The following FTCDNL1 variants were observed in gnomAD, a reference collection of about 807,000 sequenced individuals.
FTCDNL1 encodes the protein formiminotransferase N-terminal subdomain-containing protein.
A neutral mutation model predicts 5.9 loss-of-function variants in FTCDNL1; 11 were observed. The ratio of observed to expected loss-of-function variants is 1.87; its 90% CI spans 1.18 to 3.10. The LOEUF (loss-of-function observed/expected upper bound fraction) is 3.10. Among genes scored for constraint, FTCDNL1 ranks in the 30% most tolerant of loss-of-function variants. The pLI is 0.00. For missense variants in FTCDNL1, 115 were observed against 65.5 expected, an observed-to-expected ratio of 1.76 and a Z score of -2.61; for synonymous variants, 58 against 24.8, an observed-to-expected ratio of 2.34 and a Z score of -3.99.
chr2:199,771,612 T>C (rs1258258299), intron 3 of FTCDNL1, among the ~76,000 whole-genome samples: 2 of 152,166 alleles, frequency 1.3e-5, no homozygotes, highest in East Asian at 1.9e-4. Context: ...AAATGGTAAA[T>C]AGGAAAAGTA....
Position 199,845,511 on chromosome 2 carries a change from C to T in FTCDNL1, c.211+564G>A, listed in dbSNP as rs1431653218. 3.3e-5 allele frequency among the ~76,000 whole-genome samples: 5 copies of T among 151,880 alleles called. No homozygotes were observed. In the East Asian group the frequency reaches 9.7e-4, roughly 29 times the overall value. The stretch of plus-strand genomic sequence containing the variant: ...GCTTGAACCCCGGAGGCAGAGGTTG[C>T]AGTGAGTCGAGATCGGGCCACTGCA... On this transcript the variant is annotated intron_variant, in intron 3 of 4. Coordinates refer to ENST00000420128, the MANE Select transcript of FTCDNL1 (RefSeq NM_001363886.2).
the FTCDNL1 span, among the ~76,000 whole-genome samples, chr2:199,696,640 A>G: frequency 6.6e-6 from 1 of 152,160 alleles, no homozygotes; most frequent in Non-Finnish European, 1.5e-5. Flanking sequence ...AAAAGCAAAA[A>G]AAAAAAATCC....
intron 2 of FTCDNL1, among the ~76,000 whole-genome samples, chr2:199,846,748 G>A (rs972738122): frequency 6.6e-6 from 1 of 152,188 alleles, no homozygotes; most frequent in South Asian, 2.1e-4. Flanking sequence ...TTGGTGGTTT[G>A]TGACTCTCTT....
the FTCDNL1 span, among the ~76,000 whole-genome samples, chr2:199,687,425 A>C: frequency 2.0e-5 from 3 of 152,208 alleles, no homozygotes; most frequent in African/African-American, 7.2e-5. Context: ...ACCATGGAAC[A>C]TATTGAGTGC....
At chr2:199,694,478 T>C in the FTCDNL1 span, among the ~76,000 whole-genome samples, 7 of 152,108 alleles carry the variant, frequency 4.6e-5, no homozygotes, top group Non-Finnish European at 1.0e-4. Flanking sequence ...TAATCTTAGG[T>C]AGTACATTAA....
the FTCDNL1 span, among the ~76,000 whole-genome samples, chr2:199,696,888 A>G: frequency 1.3e-5 from 2 of 152,240 alleles, no homozygotes; most frequent in Admixed American, 6.5e-5. Context: ...TTGAAACCCA[A>G]TCCAAGAAAC....
chr2:199,765,119 C>T (rs1234996299), intron 3 of FTCDNL1, among the ~76,000 whole-genome samples: 1 of 152,086 alleles, frequency 6.6e-6, no homozygotes, highest in African/African-American at 2.4e-5. Flanking sequence ...ATAGGCAGTG[C>T]ACAGATGATT....
the FTCDNL1 span, among the ~76,000 whole-genome samples, chr2:199,739,858 T>C: frequency 6.6e-6 from 1 of 152,174 alleles, no homozygotes; most frequent in Non-Finnish European, 1.5e-5. Context: ...TACCAGTCCA[T>C]AAGATTTGCA....
At chr2:199,745,597 T>C in the FTCDNL1 span, among the ~76,000 whole-genome samples, 1 of 152,166 alleles carries the variant, frequency 6.6e-6, no homozygotes, top group Non-Finnish European at 1.5e-5. Flanking sequence ...AAATCTGGAG[T>C]ACAGATTAAC....
rs548856944 is a variant in FTCDNL1 at position 199,782,019 on chromosome 2, G to A, written c.212-21184C>T. On this transcript the variant is annotated intron_variant, in intron 3 of 3. Coordinates refer to the FTCDNL1 transcript ENST00000416668. ...AGGATGGTCTCGATCTCCTGACCTC[G>A]TGATCTTGCCGCCTCAGCCTCCCAA... is the stretch of plus-strand genomic sequence containing the variant. Among the ~76,000 whole-genome samples the A allele has an allele frequency of 9.2e-5, 14 of 152,120 alleles. No homozygotes were observed. The South Asian group carries it at 2.5e-3, about 27-fold the overall frequency.
chr2:199,839,275 AG>A (rs534868197), intron 3 of FTCDNL1, among the ~76,000 whole-genome samples: 1 of 152,248 alleles, frequency 6.6e-6, no homozygotes, highest in Non-Finnish European at 1.5e-5. Flanking sequence ...AAATAAAACC[AG>A]GATGTTCTCT....
At chr2:199,796,961 T>C (rs1338660367) in intron 3 of FTCDNL1, among the ~76,000 whole-genome samples, 2 of 152,072 alleles carry the variant, frequency 1.3e-5, no homozygotes, top group Non-Finnish European at 2.9e-5. Flanking sequence ...GTCAAAAATC[T>C]CTCCTTTGCA....
At chr2:199,797,732 T>C (rs1312520293) in intron 3 of FTCDNL1, among the ~76,000 whole-genome samples, 1 of 152,214 alleles carries the variant, frequency 6.6e-6, no homozygotes, top group Non-Finnish European at 1.5e-5. Context: ...TCCCTCAGCC[T>C]GGAATTGTTT....
chr2:199,824,498 TC>T (rs1328555255), intron 3 of FTCDNL1, among the ~76,000 whole-genome samples: 8 of 152,226 alleles, frequency 5.3e-5, no homozygotes, highest in African/African-American at 1.7e-4. Context: ...TCCTTTGCAT[TC>T]ACAACTTGGC....
At chr2:199,784,324 A>G (rs931122965) in intron 3 of FTCDNL1, among the ~76,000 whole-genome samples, 2 of 152,182 alleles carry the variant, frequency 1.3e-5, no homozygotes, top group Non-Finnish European at 2.9e-5. Flanking sequence ...ACCTATGTGT[A>G]ATTCCTCCTC....
At chr2:199,703,336 T>C in the FTCDNL1 span, among the ~76,000 whole-genome samples, 2 of 151,974 alleles carry the variant, frequency 1.3e-5, no homozygotes, top group Admixed American at 6.6e-5. Flanking sequence ...GTTGAGCACC[T>C]GAAAAATGGC....
At position 199,810,177 on chromosome 2, in the gene FTCDNL1, T is replaced by A. The variant is rs1299948736; in HGVS notation, c.*2528A>T. Among the ~76,000 whole-genome samples, 1 of 152,102 alleles carries A rather than the reference T, an allele frequency of 6.6e-6. No homozygotes were observed. Among genetic ancestry groups the A allele is most frequent in the Non-Finnish European group, 1.5e-5 (1 of 68,026 alleles). ...AAGGCCATCTCCATGGGGGCTTGAATTCAATGACAGGCCTAAGAGTCTCAG... is the reference window on the plus strand; with the variant it reads ...AAGGCCATCTCCATGGGGGCTTGAAATCAATGACAGGCCTAAGAGTCTCAG... On this transcript the variant is annotated 3_prime_UTR_variant, in exon 5 of 5. Transcript: ENST00000420128.
chr2:199,822,220 T>C (rs754783062), intron 3 of FTCDNL1, among the ~76,000 whole-genome samples: 12 of 152,044 alleles, frequency 7.9e-5, no homozygotes, highest in Non-Finnish European at 1.6e-4. Flanking sequence ...CTGGGCAACA[T>C]AGTGAGACAC....
intron 3 of FTCDNL1, among the ~76,000 whole-genome samples, chr2:199,788,535 T>C (rs1699769631): frequency 6.6e-6 from 1 of 152,198 alleles, no homozygotes; most frequent in Non-Finnish European, 1.5e-5. Context: ...ATAAATCCTA[T>C]ATGATACAGC....
Sources: allele counts gnomAD v4.1 joint callset (sites outside exome capture counted in the v4.1 genomes callset), GRCh38; gene constraint gnomAD v4.1.1; transcripts MANE v1.5; gene names NCBI Gene and HGNC (gene_info 2026-07-23, HGNC 2026-07-21).